The following GPC3 variants were observed in gnomAD, a reference collection of about 807,000 sequenced individuals.
GPC3 encodes glypican 3.
In GPC3, 3 loss-of-function variants were observed where a neutral mutation model predicts 34.4. The observed-to-expected ratio is 0.09, with a 90% CI of 0.04 to 0.23. GPC3 has a LOEUF of 0.23. GPC3 is among the 10% of genes least tolerant of loss of function. The probability of loss-of-function intolerance (pLI) is 1.00; values close to 1 mark genes in which losing one functional copy is unlikely to be tolerated. For synonymous variants in GPC3, 177 were observed against 174.0 expected (o/e 1.02, Z -0.13); for missense variants, 351 against 445.6 (o/e 0.79, Z 1.91).
chrX:133,796,181 G>A (rs971290020), intron 2 of GPC3, among the ~76,000 whole-genome samples: 2 of 110,879 alleles, frequency 1.8e-5, no homozygotes, highest in African/African-American at 3.3e-5. Flanking sequence ...TCCTCACCTC[G>A]TGATCTGCCC....
chrX:133,870,093 A>G (rs1487464862), intron 2 of GPC3, among the ~76,000 whole-genome samples: 1 of 112,553 alleles, frequency 8.9e-6, no homozygotes, highest in Admixed American at 9.4e-5. Flanking sequence ...CCATCACTCT[A>G]ACAGCAATAA....
At chrX:133,754,198 A>G (rs2071704560) in intron 2 of GPC3, 22 bp from the exon 3 acceptor site, 1 of 998,315 alleles carries the variant, frequency 1.0e-6, no homozygotes, top group Non-Finnish European at 1.4e-6. Flanking sequence ...AAAAAAAAAG[A>G]GACACAAAAA....
At chrX:133,716,225 C>A (rs758579207) in intron 3 of GPC3, among the ~76,000 whole-genome samples, 1 of 111,477 alleles carries the variant, frequency 9.0e-6, no homozygotes, top group East Asian at 2.8e-4. Flanking sequence ...ACATTATATT[C>A]TTTAAATATC....
At chrX:133,582,011 C>T (rs1403250936) in intron 7 of GPC3, among the ~76,000 whole-genome samples, 1 of 111,415 alleles carries the variant, frequency 9.0e-6, no homozygotes, top group East Asian at 2.8e-4. Context: ...ATAAATCAAG[C>T]CCTGATTTGT....
chrX:133,569,767 C>T (rs1253015184), intron 7 of GPC3, among the ~76,000 whole-genome samples: 5 of 112,098 alleles, frequency 4.5e-5, no homozygotes, highest in African/African-American at 9.7e-5. Flanking sequence ...AAATACAAAC[C>T]GTAAGCTCTT....
At chrX:133,657,309 G>C (rs1371649012) in intron 6 of GPC3, among the ~76,000 whole-genome samples, 1 of 111,687 alleles carries the variant, frequency 9.0e-6, no homozygotes, top group African/African-American at 3.3e-5. Flanking sequence ...CTAGGTTAGG[G>C]GATAAATGGC....
At chrX:133,766,589 C>T (rs1291471641) in intron 2 of GPC3, among the ~76,000 whole-genome samples, 3 of 112,280 alleles carry the variant, frequency 2.7e-5, no homozygotes, top group African/African-American at 9.7e-5. Flanking sequence ...TTAATTTTCT[C>T]TTTCTCTATC....
At chrX:133,748,503 C>T (rs1383631202) in intron 3 of GPC3, among the ~76,000 whole-genome samples, 1 of 111,263 alleles carries the variant, frequency 9.0e-6, no homozygotes, top group Admixed American at 9.6e-5. Flanking sequence ...TTTATAGTCT[C>T]ATCATTAATA....
chrX:133,552,956 C>CG (rs2069449166), intron 7 of GPC3, among the ~76,000 whole-genome samples: 1 of 111,511 alleles, frequency 9.0e-6, no homozygotes, highest in Non-Finnish European at 1.9e-5. Flanking sequence ...CTCAAACTCA[C>CG]GGCTATAAAG....
chrX:133,631,104 T>G (rs1391964535), intron 6 of GPC3, among the ~76,000 whole-genome samples: 2 of 112,089 alleles, frequency 1.8e-5, no homozygotes, highest in African/African-American at 6.5e-5. Flanking sequence ...AAAACATTAC[T>G]TGTAGTAAAA....
intron 6 of GPC3, among the ~76,000 whole-genome samples, chrX:133,597,450 A>G (rs1161237780): frequency 6.3e-5 from 7 of 111,222 alleles, no homozygotes; most frequent in Admixed American, 2.9e-4. Context: ...CCCATCACCC[A>G]TTTCTCATCC....
chrX:133,596,650 G>T, intron 6 of GPC3, 51 bp from the exon 7 acceptor site: 6 of 1,104,718 alleles, frequency 5.4e-6, no homozygotes, highest in Non-Finnish European at 7.5e-6. Context: ...TCTCAGGTGG[G>T]TCTGCACAGT....
chrX:133,712,480 T>C (rs1474787191), intron 3 of GPC3, among the ~76,000 whole-genome samples: 2 of 111,756 alleles, frequency 1.8e-5, no homozygotes, highest in Non-Finnish European at 3.8e-5. Flanking sequence ...AAAGTGTTTG[T>C]TATGGCTTTT....
chrX:133,640,399 T>C (rs1270287492), intron 6 of GPC3, among the ~76,000 whole-genome samples: 1 of 111,750 alleles, frequency 8.9e-6, no homozygotes, highest in Non-Finnish European at 1.9e-5. Context: ...CTCTAACAAC[T>C]GTGATGTCAA....
At chrX:133,825,656 G>A (rs1042628597) in intron 2 of GPC3, among the ~76,000 whole-genome samples, 2 of 111,703 alleles carry the variant, frequency 1.8e-5, no homozygotes, top group African/African-American at 3.3e-5. Context: ...ATCCACAGGG[G>A]CTTTGGAAAT....
At chrX:133,726,956 G>A (rs777192924) in intron 3 of GPC3, among the ~76,000 whole-genome samples, 1 of 111,828 alleles carries the variant, frequency 8.9e-6, no homozygotes, top group East Asian at 2.9e-4. Flanking sequence ...CATGGGCCAG[G>A]AAGCAAGATG....
intron 3 of GPC3, 116 bp from the exon 4 acceptor site, chrX:133,700,144 T>C: frequency 1.8e-6 from 1 of 555,026 alleles, no homozygotes; most frequent in African/African-American, 2.3e-5. Context: ...AACAAAGCTA[T>C]GACTAGAGTC....
chrX:133,902,494 G>A (rs5933356), intron 2 of GPC3, among the ~76,000 whole-genome samples: 29,885 of 110,898 alleles, frequency 0.27, 3,092 homozygotes, highest in Middle Eastern at 0.31. Flanking sequence ...AGGCCAAGGC[G>A]AGGGAATCAC....
At chrX:133,760,773 A>G (rs756664018) in intron 2 of GPC3, among the ~76,000 whole-genome samples, 1 of 111,696 alleles carries the variant, frequency 9.0e-6, no homozygotes, top group Non-Finnish European at 1.9e-5. Flanking sequence ...ATGTAAACAT[A>G]TGGGCTTTGG....
Sources: gnomAD v4.1 joint callset for allele counts (sites outside exome capture counted in the v4.1 genomes callset) on GRCh38, gnomAD v4.1.1 for gene constraint, MANE v1.5 for transcripts, NCBI Gene and HGNC (gene_info 2026-07-23, HGNC 2026-07-21) for gene names.